RTEL1: variants seen among roughly 807,000 people sequenced by gnomAD.
RTEL1 encodes regulator of telomere elongation helicase 1, also known as regulator of telomere length.
Under a neutral mutation model 162.2 loss-of-function variants are expected in RTEL1, and 86 were observed. That is an observed-to-expected ratio of 0.53 (90% CI 0.45 to 0.63). The LOEUF is 0.63. Ranked by LOEUF, RTEL1 falls within the 30% of genes least tolerant of loss-of-function variation. RTEL1 has a pLI of 0.00. For missense variants in RTEL1, 1,941 were observed against 1,750.2 expected (o/e 1.11, Z -1.95); for synonymous variants, 958 against 717.9 (o/e 1.33, Z -5.35).
In RTEL1 at chr20:63,694,993, G is replaced by A; in HGVS notation, c.3343+19G>A. On this transcript the variant is annotated intron_variant, in intron 32 of 34. Coordinates refer to ENST00000360203, the MANE Select transcript of RTEL1 (RefSeq NM_001283009.2). ...CTGCACAGCAAGTGGCCCTGGCGTG[G>A]GGAACAGCCGGTGGGGTGGGGGGCA... 1 of 1,611,178 alleles carries A rather than the reference G, an allele frequency of 6.2e-7. No homozygotes were observed. Among genetic ancestry groups the A allele is most frequent in the Non-Finnish European group, 8.5e-7 (1 of 1,178,890 alleles).
chr20:63,692,061 G>T, intron 28 of RTEL1: 1 of 518,660 alleles, frequency 1.9e-6, no homozygotes, highest in East Asian at 3.4e-5. Context: ...CCCTTGGGCA[G>T]GTTTGGCATG....
At position 63,659,521 on chromosome 20, in the gene RTEL1, G is replaced by A. The variant is rs1305231385; in HGVS notation, c.102+17G>A. On this transcript the variant is annotated intron_variant, in intron 2 of 34. Transcript: ENST00000360203. ...CTGCAGCAGGTAGAGCACAGGCCCC[G>A]AGGAAAGGACTGCGGGTGGGTGGAG... The A allele has an allele frequency of 6.3e-7, 1 of 1,588,832 alleles. No individual in the cohort carries two copies. The highest frequency in any genetic ancestry group is 1.7e-5 in the Admixed American group (1 of 59,938).
intron 14 of RTEL1, among the ~76,000 whole-genome samples, chr20:63,683,604 G>A (rs537215563): frequency 1.3e-5 from 2 of 152,160 alleles, no homozygotes; most frequent in Admixed American, 6.5e-5. Context: ...TCTCTAGTTC[G>A]GCTTCTCCGC....
At chr20:63,663,094 G>A (rs6062297) in intron 6 of RTEL1, 17,742 of 612,472 alleles carry the variant, frequency 0.029, 324 homozygotes, top group Non-Finnish European at 0.041. Flanking sequence ...ACAGCCAGCC[G>A]GCAAGACTGC....
Position 63,678,472 on chromosome 20 carries a change from G to C in RTEL1, c.1037+126G>C, listed in dbSNP as rs2090402652. 5.8e-6 allele frequency: 5 copies of C among 863,314 alleles called. 2 individuals carry two copies. In the South Asian group the frequency reaches 8.3e-5, roughly 14 times the overall value. The allele number at this position is 863,314 out of a possible 1,614,324, so 53.5% of individuals were successfully genotyped here. A position where few individuals can be genotyped will look rare whatever the true frequency, so the allele number is the denominator to read the frequency against. Reference sequence around the variant, plus strand: ...TTTCAGGCCTGTTTTCCCTTTTTGAGACCTGGGAGGAGCACCTGCTTTGCA... The same window carrying C: ...TTTCAGGCCTGTTTTCCCTTTTTGACACCTGGGAGGAGCACCTGCTTTGCA... On this transcript the variant is annotated intron_variant, in intron 12 of 34. Coordinates refer to ENST00000360203, the MANE Select transcript of RTEL1 (RefSeq NM_001283009.2).
chr20:63,667,531 A>C lies in RTEL1; in HGVS notation c.677A>C (p.Tyr226Ser). 2 of 1,613,934 alleles carry C rather than the reference A, an allele frequency of 1.2e-6. No homozygotes were observed. Among genetic ancestry groups the C allele is most frequent in the Non-Finnish European group, 1.7e-6 (2 of 1,179,876 alleles). The change falls in exon 8 of 35, where the codon TAC becomes TCC. Residue 226 changes from tyrosine to serine, a missense_variant. By Grantham distance (144) the Tyr-to-Ser change is moderately radical. Coordinates refer to ENST00000360203, the MANE Select transcript of RTEL1 (RefSeq NM_001283009.2). ...KQQADIIFMPYNYLLDAKSRR... is the reference protein window; with the variant it reads ...KQQADIIFMPSNYLLDAKSRR... ...CAAGCCGACATCATATTCATGCCGT[A>C]CAATTACTTGTTGGATGCCAAGGTG...
chr20:63,694,270 AGGTG>A (rs1350979916), intron 30 of RTEL1, 98 bp from the exon 31 acceptor site: 1 of 1,006,674 alleles, frequency 9.9e-7, no homozygotes, highest in Non-Finnish European at 1.6e-6. Flanking sequence ...CCCTGGTCTG[AGGTG>A]GGTGAGGCCT....
At chr20:63,679,380 G>T (rs2090436240) in intron 12 of RTEL1, among the ~76,000 whole-genome samples, 1 of 152,128 alleles carries the variant, frequency 6.6e-6, no homozygotes, top group African/African-American at 2.4e-5. Context: ...AGCTTCTGCT[G>T]CCCCATCACT....
intron 8 of RTEL1, among the ~76,000 whole-genome samples, chr20:63,672,329 G>T (rs1477279216): frequency 6.6e-6 from 1 of 152,190 alleles, no homozygotes; most frequent in East Asian, 1.9e-4. Context: ...GCTGAGCGTG[G>T]CACGTGCCTT....
rs760021645 is a variant in RTEL1 at position 63,695,162 on chromosome 20, G to A, written c.3440G>A (p.Gly1147Glu). 14 of 1,612,422 alleles carry A rather than the reference G, an allele frequency of 8.7e-6. No individual in the cohort carries two copies. The highest frequency in any genetic ancestry group is 1.2e-5 in the Non-Finnish European group (14 of 1,179,852). The change falls in exon 33 of 35, where the codon GGA becomes GAA. Residue 1147 changes from glycine (G) to glutamate (E), a missense_variant. Coordinates refer to ENST00000360203, the MANE Select transcript of RTEL1 (RefSeq NM_001283009.2). ...CCCTACCCGGGCATGGAGCCACCGG[G>A]ACCCCAGGAGGAGAGGCTTGCCGTG... ...GRPYPGMEPPGPQEERLAVPP... is the reference protein window; with the variant it reads ...GRPYPGMEPPEPQEERLAVPP...
intron 8 of RTEL1, 83 bp from the exon 9 acceptor site, chr20:63,672,473 G>A (rs957142991): frequency 9.2e-5 from 104 of 1,132,420 alleles, no homozygotes; most frequent in Admixed American, 4.4e-4. Flanking sequence ...TGTGATGTTC[G>A]ATGCCTGCTG....
Position 63,695,585 on chromosome 20 carries a change from G to C in RTEL1, c.3757G>C (p.Val1253Leu). Residue 1253 changes from valine to leucine, a missense_variant, in exon 34 of 35, where the codon GTG becomes CTG. Val to Leu is a conservative substitution (Grantham distance 32). Transcript: ENST00000360203. ...CCAGGGCTGTGGGGCAGAGGACGTG[G>C]TGCCCTTCCAGTGCCCTGCCTGTGA... Reference protein sequence around the residue: ...VCQGCGAEDVVPFQCPACDFQ... With the variant: ...VCQGCGAEDVLPFQCPACDFQ... 6.2e-7 allele frequency: 1 copy of C among 1,612,180 alleles called. No homozygotes were observed. Among genetic ancestry groups the C allele is most frequent in the Non-Finnish European group, 8.5e-7 (1 of 1,179,914 alleles).
chr20:63,687,352 T>G, intron 16 of RTEL1: 1 of 363,270 alleles, frequency 2.8e-6, no homozygotes, highest in Non-Finnish European at 5.0e-6. Context: ...TCTGCAGAAG[T>G]TTAGGGTTGG....
chr20:63,668,426 C>G lies in RTEL1; in HGVS notation c.699+873C>G, dbSNP rs1373012024. Among the ~76,000 whole-genome samples the G allele has an allele frequency of 6.6e-6, 1 of 152,102 alleles. No individual in the cohort carries two copies. The highest frequency in any genetic ancestry group is 1.5e-5 in the Non-Finnish European group (1 of 68,028). The stretch of plus-strand genomic sequence containing the variant: ...GGAGCTTTGATTCTAGTGGTGGGGA[C>G]AGGTGGACAGCAAAAGAGTAAGCAC... On this transcript the variant is annotated intron_variant, in intron 8 of 34. Coordinates refer to ENST00000360203, the MANE Select transcript of RTEL1 (RefSeq NM_001283009.2). This position sits in a 1 kb window ranked among gnomAD's most constrained non-coding sequence, Gnocchi z 4.3.
At chr20:63,680,829 C>G (rs1342149437) in intron 14 of RTEL1, 110 bp downstream of exon 14, 13 of 1,545,446 alleles carry the variant, frequency 8.4e-6, no homozygotes, top group Non-Finnish European at 1.1e-5. Flanking sequence ...AGAAAGGCCC[C>G]TACACCACCT....
intron 14 of RTEL1, chr20:63,681,440 T>C (rs536650621): frequency 9.1e-6 from 9 of 985,260 alleles, no homozygotes; most frequent in Non-Finnish European, 7.2e-6. Flanking sequence ...CTGTGAGGCC[T>C]CCTCTGTGCT....
chr20:63,667,011 C>T (rs949940596), intron 7 of RTEL1, among the ~76,000 whole-genome samples: 5 of 151,552 alleles, frequency 3.3e-5, no homozygotes, highest in African/African-American at 7.3e-5. Flanking sequence ...GGCTAATTTT[C>T]TGTATTTTTA....
intron 10 of RTEL1, among the ~76,000 whole-genome samples, chr20:63,676,942 ATCAG>A (rs1352098474): frequency 2.0e-5 from 3 of 152,158 alleles, no homozygotes; most frequent in Non-Finnish European, 2.9e-5. Context: ...TCAAAAATCA[ATCAG>A]TCAATCAAGT....
Position 63,694,927 on chromosome 20 carries a change from T to C in RTEL1, c.3296T>C (p.Leu1099Ser), listed in dbSNP as rs199998697. ...DDDLDKVLAVLAALTTAKPED... is the reference protein window; with the variant it reads ...DDDLDKVLAVSAALTTAKPED... ...GACCTCGACAAGGTGCTGGCTGTGT[T>C]GGCCGCCCTGACCACTGCAAAGCCA... Residue 1099 changes from leucine (L) to serine (S), a missense_variant, in exon 32 of 35, where the codon TTG (leucine) becomes TCG (serine). Leu to Ser is a moderately radical substitution (Grantham distance 145). Coordinates refer to ENST00000360203, the MANE Select transcript of RTEL1 (RefSeq NM_001283009.2). The C allele has an allele frequency of 6.2e-7, 1 of 1,612,514 alleles. No homozygotes were observed. Among genetic ancestry groups the C allele is most frequent in the East Asian group, 2.2e-5 (1 of 44,870 alleles).
Sources: allele counts gnomAD v4.1 joint callset (sites outside exome capture counted in the v4.1 genomes callset), GRCh38; gene constraint gnomAD v4.1.1; non-coding constraint Gnocchi (gnomAD v3.1); transcripts MANE v1.5; gene names NCBI Gene and HGNC (gene_info 2026-07-23, HGNC 2026-07-21).